Variants in RIMBP2 observed in about 807,000 individuals in gnomAD.
The protein encoded by RIMBP2 is RIMS-binding protein 2.
A neutral mutation model predicts 118.6 loss-of-function variants in RIMBP2; 48 were observed. That is an observed-to-expected ratio of 0.40 (90% CI 0.32 to 0.51). The LOEUF is 0.51. RIMBP2 is among the 20% of genes least tolerant of loss of function. The pLI is 0.41. For synonymous variants in RIMBP2, 762 were observed against 742.9 expected, an observed-to-expected ratio of 1.03 and a Z score of -0.42; for missense variants, 1,551 against 1,768.3, an observed-to-expected ratio of 0.88 and a Z score of 2.20.
chr12:130,473,989 G>A (rs1180613863), intron 5 of RIMBP2, among the ~76,000 whole-genome samples: 4 of 152,306 alleles, frequency 2.6e-5, no homozygotes, highest in South Asian at 4.1e-4. Context: ...TCAAGTCTGC[G>A]GATGAATTAT....
chr12:130,668,243 C>T (rs966256354), intron 1 of RIMBP2: 3 of 152,202 alleles, frequency 2.0e-5, no homozygotes, highest in African/African-American at 7.2e-5. Context: ...GGTAAGAACA[C>T]TCGATAACAT....
intron 1 of RIMBP2, among the ~76,000 whole-genome samples, chr12:130,642,642 G>A (rs545219488): frequency 3.9e-5 from 6 of 152,248 alleles, no homozygotes; most frequent in African/African-American, 1.4e-4. Context: ...TTATTACTTC[G>A]ACAACCCACA....
Position 130,665,480 on chromosome 12 carries a change from G to A in RIMBP2, c.-351-37024C>T, listed in dbSNP as rs533042070. On this transcript the variant is annotated intron_variant, in intron 1 of 22. Transcript: ENST00000690449. ...GCAGAGGTTGAATTGAGCTGAGATC[G>A]TACCACAGCGAGCCGAGATCACGCC... 4.6e-4 allele frequency among the ~76,000 whole-genome samples: 69 copies of A among 151,104 alleles called. 1 individual carries two copies. The highest frequency in any genetic ancestry group is 7.7e-4 in the Non-Finnish European group (52 of 67,936).
intron 1 of RIMBP2, among the ~76,000 whole-genome samples, chr12:130,647,943 GT>G (rs2063059318): frequency 1.5e-5 from 2 of 131,700 alleles, no homozygotes; most frequent in Non-Finnish European, 3.6e-5. Context: ...CGGTGTGGCT[GT>G]TTGGCCCGAC....
chr12:130,471,652 T>C (rs551127400), intron 5 of RIMBP2: 1 of 152,358 alleles, frequency 6.6e-6, no homozygotes, highest in African/African-American at 2.4e-5. Context: ...CTGACCCAGC[T>C]AGATGCCCAG....
intron 11 of RIMBP2, 57 bp downstream of exon 11, chr12:130,441,791 A>G (rs1333099563): frequency 4.1e-6 from 6 of 1,481,428 alleles, no homozygotes; most frequent in Non-Finnish European, 5.5e-6. Flanking sequence ...CCCCACTAGC[A>G]GGGTGACATC....
At chr12:130,538,815 C>T (rs4565942) in intron 2 of RIMBP2, among the ~76,000 whole-genome samples, 2,590 of 152,150 alleles carry the variant, frequency 0.017, 60 homozygotes, top group African/African-American at 0.057. Flanking sequence ...CAGTGACAAA[C>T]GTGGCTTCCT....
At chr12:130,461,469 G>C (rs1280542452) in intron 6 of RIMBP2, among the ~76,000 whole-genome samples, 5 of 152,182 alleles carry the variant, frequency 3.3e-5, no homozygotes, top group Non-Finnish European at 7.3e-5. Context: ...AAAGCTTCTG[G>C]TTTCCCAGGA....
intron 1 of RIMBP2, among the ~76,000 whole-genome samples, chr12:130,648,040 C>CATGTGAACA (rs1293962289): frequency 1.4e-5 from 2 of 145,832 alleles, no homozygotes; most frequent in Non-Finnish European, 3.1e-5. Flanking sequence ...TGTGTACACA[C>CATGTGAACA]CCGCCTCACG....
intron 14 of RIMBP2, chr12:130,429,739 G>A (rs2077038213): frequency 6.6e-6 from 1 of 152,180 alleles, no homozygotes; most frequent in African/African-American, 2.4e-5. Flanking sequence ...GAAGCTGCGT[G>A]GGGCTGCGGG....
chr12:130,496,348 G>A (rs2049154845), intron 4 of RIMBP2, among the ~76,000 whole-genome samples: 1 of 152,112 alleles, frequency 6.6e-6, no homozygotes, highest in African/African-American at 2.4e-5. Flanking sequence ...ATGATTGTGA[G>A]GCCTCCCCAG....
At chr12:130,583,914 C>T (rs1593904607) in intron 2 of RIMBP2, among the ~76,000 whole-genome samples, 2 of 150,870 alleles carry the variant, frequency 1.3e-5, no homozygotes, top group East Asian at 2.0e-4. Flanking sequence ...TCATCACCTT[C>T]ATCACTACCA....
intron 2 of RIMBP2, among the ~76,000 whole-genome samples, chr12:130,529,670 A>G (rs1275175958): frequency 6.6e-6 from 1 of 152,146 alleles, no homozygotes; most frequent in Non-Finnish European, 1.5e-5. Context: ...CTCCCAGCAA[A>G]AGAGTCTGAA....
chr12:130,521,407 C>T (rs2052097630), intron 2 of RIMBP2, among the ~76,000 whole-genome samples: 1 of 152,178 alleles, frequency 6.6e-6, no homozygotes, highest in South Asian at 2.1e-4. Flanking sequence ...TGACAGTTCC[C>T]AGGAGGAGGA....
rs564629573 is a variant in RIMBP2 at position 130,456,829 on chromosome 12, CTG to C, written c.154-131_154-130del. 1.1e-4 allele frequency: 75 copies of C among 658,552 alleles called. 3 individuals are homozygous for C. The highest frequency in any genetic ancestry group is 9.5e-4 in the South Asian group (47 of 49,664). 40.8% of individuals were successfully genotyped at this position (658,552 alleles called of 1,614,324 possible). A position where few individuals can be genotyped will look rare whatever the true frequency, so the allele number is the denominator to read the frequency against. ...GCACGTGTGTACACACGTGTTGTGT[CTG>C]TGAAAATGCATGTGTGGTTGAGTGT... On this transcript the variant is annotated intron_variant, in intron 6 of 22. Transcript: ENST00000690449.
chr12:130,440,629 G>A (rs916848609), intron 11 of RIMBP2, among the ~76,000 whole-genome samples: 1 of 152,220 alleles, frequency 6.6e-6, no homozygotes. Context: ...CTCATCAGAA[G>A]GCATCGCGGG....
chr12:130,602,703 G>A (rs1433232595), intron 2 of RIMBP2, among the ~76,000 whole-genome samples: 2 of 152,196 alleles, frequency 1.3e-5, no homozygotes, highest in Non-Finnish European at 1.5e-5. Context: ...AGATGTAGAC[G>A]GTCGCATGAC....
intron 1 of RIMBP2, among the ~76,000 whole-genome samples, chr12:130,652,602 C>T (rs750556130): frequency 6.6e-6 from 1 of 152,068 alleles, no homozygotes; most frequent in Non-Finnish European, 1.5e-5. Context: ...GGATATGGAG[C>T]ATCTCAGTGG....
chr12:130,405,628 G>T (rs979016696), intron 21 of RIMBP2, among the ~76,000 whole-genome samples: 3 of 151,884 alleles, frequency 2.0e-5, no homozygotes, highest in Non-Finnish European at 4.4e-5. Flanking sequence ...CAGAAAAGGA[G>T]GGAGGGTGGC....
Sources: gnomAD v4.1 joint callset for allele counts (sites outside exome capture counted in the v4.1 genomes callset) on GRCh38, gnomAD v4.1.1 for gene constraint, MANE v1.5 for transcripts, NCBI Gene and HGNC (gene_info 2026-07-23, HGNC 2026-07-21) for gene names.